BBX: variants seen among roughly 807,000 people sequenced by gnomAD.
BBX encodes BBX high mobility group box domain containing.
In BBX, 30 loss-of-function variants were observed where a neutral mutation model predicts 100.2. That is an observed-to-expected ratio of 0.30 (90% CI 0.22 to 0.41). The LOEUF (loss-of-function observed/expected upper bound fraction) is 0.41. BBX is among the 10% of genes least tolerant of loss of function. The pLI, the probability that BBX is intolerant of heterozygous loss-of-function variation, is 1.00. For missense variants in BBX, 1,023 were observed against 1,129.8 expected, an observed-to-expected ratio of 0.91 and a Z score of 1.35; for synonymous variants, 376 against 388.1, an observed-to-expected ratio of 0.97 and a Z score of 0.37.
intron 3 of BBX, among the ~76,000 whole-genome samples, chr3:107,688,984 T>G (rs2060000315): frequency 6.6e-6 from 1 of 152,196 alleles, no homozygotes; most frequent in East Asian, 1.9e-4. Context: ...ATAAAATATG[T>G]CTGATATTTG....
chr3:107,747,381 T>C (rs1329593635), intron 8 of BBX, among the ~76,000 whole-genome samples: 1 of 152,232 alleles, frequency 6.6e-6, no homozygotes, highest in Non-Finnish European at 1.5e-5. Flanking sequence ...ACCATAATCC[T>C]CTAAAATGCA....
chr3:107,690,552 C>G (rs895966208), intron 3 of BBX, among the ~76,000 whole-genome samples: 2 of 152,172 alleles, frequency 1.3e-5, no homozygotes, highest in African/African-American at 4.8e-5. Flanking sequence ...TCCCTAAAAT[C>G]AGCAAACACA....
chr3:107,726,944 C>T (rs2062989423), intron 5 of BBX, among the ~76,000 whole-genome samples: 1 of 152,052 alleles, frequency 6.6e-6, no homozygotes, highest in Non-Finnish European at 1.5e-5. Flanking sequence ...ATGTGATTTT[C>T]AGCACCAGCT....
At chr3:107,574,104 G>A (rs574813396) in intron 2 of BBX, among the ~76,000 whole-genome samples, 39 of 152,276 alleles carry the variant, frequency 2.6e-4, no homozygotes, top group Admixed American at 2.2e-3. Flanking sequence ...TAAATAGATA[G>A]TAAAAATAGT....
intron 3 of BBX, among the ~76,000 whole-genome samples, chr3:107,667,206 C>T (rs144277153): frequency 6.6e-6 from 1 of 152,286 alleles, no homozygotes; most frequent in Non-Finnish European, 1.5e-5. Context: ...GAAAACTTTA[C>T]TGATAGGAGA....
At chr3:107,624,574 G>T in intron 2 of BBX, among the ~76,000 whole-genome samples, 1 of 152,174 alleles carries the variant, frequency 6.6e-6, no homozygotes, top group East Asian at 1.9e-4. Context: ...ATTTCTTTTA[G>T]TTAAAAGTAG....
intron 15 of BBX, among the ~76,000 whole-genome samples, chr3:107,797,432 T>C (rs1267636018): frequency 6.8e-6 from 1 of 147,712 alleles, no homozygotes; most frequent in Non-Finnish European, 1.5e-5. Flanking sequence ...GCTTGTTATG[T>C]CTGACATTAG....
chr3:107,706,055 A>G (rs1576431207), intron 3 of BBX, among the ~76,000 whole-genome samples: 1 of 129,912 alleles, frequency 7.7e-6, no homozygotes, highest in Non-Finnish European at 1.6e-5. Context: ...ACAGAGTCTC[A>G]CTCTGTAGCC....
chr3:107,689,992 T>C (rs1308825521), intron 3 of BBX, among the ~76,000 whole-genome samples: 2 of 152,184 alleles, frequency 1.3e-5, no homozygotes, highest in Non-Finnish European at 2.9e-5. Context: ...ATGTGTGCAA[T>C]AAAGGCTTTG....
intron 2 of BBX, among the ~76,000 whole-genome samples, chr3:107,595,638 T>C (rs2053623218): frequency 6.6e-6 from 1 of 152,222 alleles, no homozygotes; most frequent in African/African-American, 2.4e-5. Flanking sequence ...GGCCCCTCCT[T>C]TCTGTGACTC....
chr3:107,650,496 G>A (rs989578971), intron 3 of BBX, among the ~76,000 whole-genome samples: 3 of 151,340 alleles, frequency 2.0e-5, no homozygotes, highest in Non-Finnish European at 2.9e-5. Context: ...CTCTATTGAC[G>A]TTGTCCCCTT....
At chr3:107,705,840 A>G (rs1286834905) in intron 3 of BBX, among the ~76,000 whole-genome samples, 1 of 152,142 alleles carries the variant, frequency 6.6e-6, no homozygotes, top group African/African-American at 2.4e-5. Flanking sequence ...ACTTTCCAAC[A>G]GGTAGTTTGT....
chr3:107,774,722 A>G lies in BBX; in HGVS notation c.1919A>G (p.Lys640Arg). ...CCTTTCTCTTGAATTTTCTTAGGAAAACGAAGCTCAGGAAAAGGAAACTCC... is the reference window on the plus strand; with the variant it reads ...CCTTTCTCTTGAATTTTCTTAGGAAGACGAAGCTCAGGAAAAGGAAACTCC... ...TSLRANVDRG[K>R]RSSGKGNSSD... The change falls in exon 12 of 18, where the codon AAA (lysine) becomes AGA (arginine). Residue 640 changes from lysine (K) to arginine (R), a missense_variant. By Grantham distance (26) the Lys-to-Arg change is conservative. Coordinates refer to ENST00000325805, the MANE Select transcript of BBX (RefSeq NM_001142568.3). 1 of 1,612,124 alleles carries G rather than the reference A, an allele frequency of 6.2e-7. No individual in the cohort carries two copies. Among genetic ancestry groups the G allele is most frequent in the South Asian group, 1.1e-5 (1 of 90,758 alleles).
At chr3:107,635,404 C>T (rs2056790802) in intron 2 of BBX, among the ~76,000 whole-genome samples, 1 of 152,180 alleles carries the variant, frequency 6.6e-6, no homozygotes, top group Non-Finnish European at 1.5e-5. Flanking sequence ...CTTAAGTATA[C>T]TGCCATCCAT....
chr3:107,524,420 CAT>C (rs1445851753), intron 1 of BBX: 1 of 151,990 alleles, frequency 6.6e-6, no homozygotes, highest in Non-Finnish European at 1.5e-5. Flanking sequence ...AATTTATTAT[CAT>C]ATTTTATTTA....
chr3:107,588,808 T>A (rs1268752483), intron 2 of BBX, among the ~76,000 whole-genome samples: 1 of 152,196 alleles, frequency 6.6e-6, no homozygotes, highest in Non-Finnish European at 1.5e-5. Context: ...CCTCTTTATT[T>A]GCCAGGGTTA....
intron 2 of BBX, among the ~76,000 whole-genome samples, chr3:107,533,640 A>G (rs1386075342): frequency 6.6e-6 from 1 of 152,212 alleles, no homozygotes; most frequent in East Asian, 1.9e-4. Flanking sequence ...TTTTGACGTG[A>G]TGATTCCTTT....
In BBX at chr3:107,772,729, A is replaced by G; in HGVS notation, c.1008A>G (p.Glu336=). The change falls in exon 11 of 18, where the codon GAA becomes GAG. Residue 336 remains glutamate, a synonymous_variant. Transcript: ENST00000325805. ...GRIKELEKGK[E]EKEIKMEKTD... is the part of the protein sequence containing the mutation. ...TTAAAGAATTAGAGAAGGGAAAGGA[A>G]GAAAAAGAAATTAAAATGGAGAAAA... 6.2e-7 allele frequency: 1 copy of G among 1,612,116 alleles called. No homozygotes were observed. The highest frequency in any genetic ancestry group is 8.5e-7 in the Non-Finnish European group (1 of 1,179,554).
At chr3:107,647,177 A>G (rs902154582) in intron 3 of BBX, among the ~76,000 whole-genome samples, 12 of 152,300 alleles carry the variant, frequency 7.9e-5, no homozygotes, top group African/African-American at 2.4e-4. Context: ...AGTATAGACT[A>G]TGGAATTTTC....
Sources: allele counts gnomAD v4.1 joint callset (sites outside exome capture counted in the v4.1 genomes callset), GRCh38; gene constraint gnomAD v4.1.1; transcripts MANE v1.5; gene names NCBI Gene and HGNC (gene_info 2026-07-23, HGNC 2026-07-21).